The following DMD variants were observed in gnomAD, a reference collection of about 807,000 sequenced individuals.
DMD encodes the protein dystrophin, also known as mutant dystrophin.
DMD carries 63 observed loss-of-function variants against 330.1 expected under a neutral mutation model. That is an observed-to-expected ratio of 0.19 (90% CI 0.16 to 0.24). The LOEUF (loss-of-function observed/expected upper bound fraction) is 0.24. DMD is among the 10% of genes least tolerant of loss of function. DMD has a pLI of 1.00. For synonymous variants in DMD, 1,223 were observed against 959.8 expected, an observed-to-expected ratio of 1.27 and a Z score of -5.07; for missense variants, 3,344 against 2,684.1, an observed-to-expected ratio of 1.25 and a Z score of -5.43.
chrX:32,715,751 C>T (rs183794696), intron 7 of DMD, among the ~76,000 whole-genome samples: 63 of 110,709 alleles, frequency 5.7e-4, no homozygotes, highest in Non-Finnish European at 1.1e-4. Context: ...CAGTGAGCCA[C>T]TGCACTCCAG....
intron 11 of DMD, among the ~76,000 whole-genome samples, chrX:32,617,076 A>G (rs894347213): frequency 3.6e-5 from 4 of 110,379 alleles, no homozygotes; most frequent in Non-Finnish European, 7.6e-5. Context: ...ACAGACAGAG[A>G]AAGGGGTTAC....
chrX:32,123,239 ATAT>A (rs2096646302), intron 44 of DMD, among the ~76,000 whole-genome samples: 2 of 86,707 alleles, frequency 2.3e-5, no homozygotes, highest in African/African-American at 4.2e-5. Flanking sequence ...ATATATATAT[ATAT>A]AAATGATCAA....
chrX:32,613,624 A>G (rs1435728), intron 12 of DMD, among the ~76,000 whole-genome samples: 1,769 of 110,637 alleles, frequency 0.016, 35 homozygotes, highest in African/African-American at 0.054. Context: ...GTAAAATTAC[A>G]TTAAAAAAAA....
intron 7 of DMD, among the ~76,000 whole-genome samples, chrX:32,743,259 T>G (rs1462093131): frequency 9.0e-6 from 1 of 111,369 alleles, no homozygotes; most frequent in Admixed American, 9.6e-5. Flanking sequence ...CCACATAATT[T>G]TCTTCAAGTC....
At chrX:32,988,428 G>A (rs1186091106) in intron 2 of DMD, among the ~76,000 whole-genome samples, 1 of 109,650 alleles carries the variant, frequency 9.1e-6, no homozygotes, top group Admixed American at 9.8e-5. Context: ...GTCTTCAATG[G>A]AAAAACGACC....
chrX:32,330,582 T>A (rs768591098), intron 41 of DMD, among the ~76,000 whole-genome samples: 6 of 112,023 alleles, frequency 5.4e-5, no homozygotes, highest in Admixed American at 1.9e-4. Flanking sequence ...TGGAGAAAAT[T>A]ACACTTTATA....
chrX:32,149,716 ACTT>A (rs2096795464), intron 44 of DMD, among the ~76,000 whole-genome samples: 1 of 111,618 alleles, frequency 9.0e-6, no homozygotes, highest in African/African-American at 3.3e-5. Flanking sequence ...CAGTTTGGAA[ACTT>A]TATCAATAAA....
chrX:31,497,955 G>A (rs2070038284), intron 56 of DMD, among the ~76,000 whole-genome samples: 2 of 112,148 alleles, frequency 1.8e-5, no homozygotes, highest in Non-Finnish European at 3.8e-5. Context: ...CAACCAGGTG[G>A]AGCAACATTT....
At chrX:32,580,344 C>CT (rs1469518233) in intron 13 of DMD, among the ~76,000 whole-genome samples, 1 of 112,168 alleles carries the variant, frequency 8.9e-6, no homozygotes, top group African/African-American at 3.2e-5. Context: ...TTAGAACCAT[C>CT]TTTTTTGGAT....
chrX:32,546,827 A>G (rs2049011411), intron 16 of DMD, among the ~76,000 whole-genome samples: 1 of 111,784 alleles, frequency 8.9e-6, no homozygotes, highest in South Asian at 3.7e-4. Flanking sequence ...TCAAGATGAA[A>G]GCAGAAAGCA....
At chrX:31,654,784 G>T (rs1219461277) in intron 54 of DMD, among the ~76,000 whole-genome samples, 1 of 110,922 alleles carries the variant, frequency 9.0e-6, no homozygotes, top group African/African-American at 3.3e-5. Context: ...AGGAGCGAGA[G>T]GATCAGGAAA....
intron 56 of DMD, among the ~76,000 whole-genome samples, chrX:31,503,910 G>C (rs1323037663): frequency 2.7e-5 from 3 of 111,057 alleles, no homozygotes; most frequent in African/African-American, 9.8e-5. Context: ...GGACTTATTA[G>C]GCACAGTTGG....
chrX:31,204,923 C>T (rs953604148), intron 66 of DMD, among the ~76,000 whole-genome samples: 10 of 111,840 alleles, frequency 8.9e-5, no homozygotes, highest in African/African-American at 2.0e-4. Context: ...CGCCTGGCTG[C>T]GTATTTCTAA....
At chrX:31,587,859 C>A (rs2076686978) in intron 55 of DMD, among the ~76,000 whole-genome samples, 1 of 111,910 alleles carries the variant, frequency 8.9e-6, no homozygotes, top group Non-Finnish European at 1.9e-5. Flanking sequence ...CTCACACAGC[C>A]AACTGCCCAA....
chrX:32,736,407 C>T (rs758304064), intron 7 of DMD, among the ~76,000 whole-genome samples: 15 of 111,146 alleles, frequency 1.3e-4, no homozygotes, highest in African/African-American at 4.6e-4. Flanking sequence ...CCAGCCATCC[C>T]GTTACTGGGT....
intron 44 of DMD, among the ~76,000 whole-genome samples, chrX:32,025,740 T>C (rs1206317904): frequency 2.7e-5 from 3 of 111,702 alleles, no homozygotes; most frequent in Admixed American, 9.6e-5. Context: ...ACCTGAGAAG[T>C]GTGGCACAGT....
intron 48 of DMD, among the ~76,000 whole-genome samples, chrX:31,841,634 T>C (rs1017469505): frequency 2.7e-5 from 3 of 112,081 alleles, no homozygotes; most frequent in Non-Finnish European, 5.6e-5. Context: ...ACAATGCTCA[T>C]TTACTATTCC....
chrX:32,886,973 A>T (rs1415632216), intron 2 of DMD, among the ~76,000 whole-genome samples: 1 of 111,818 alleles, frequency 8.9e-6, no homozygotes, highest in Non-Finnish European at 1.9e-5. Context: ...AATATGCCAA[A>T]ATGATAACAA....
intron 12 of DMD, among the ~76,000 whole-genome samples, chrX:32,609,098 T>G (rs946511192): frequency 9.1e-6 from 1 of 110,332 alleles, no homozygotes; most frequent in Admixed American, 9.7e-5. Context: ...TCTATTACTT[T>G]GAGCTTTTTG....
Sources: allele counts gnomAD v4.1 joint callset (sites outside exome capture counted in the v4.1 genomes callset), GRCh38; gene constraint gnomAD v4.1.1; transcripts MANE v1.5; gene names NCBI Gene and HGNC (gene_info 2026-07-23, HGNC 2026-07-21).